Variants in PRKN observed in about 807,000 individuals in gnomAD.
PRKN encodes the protein E3 ubiquitin-protein ligase parkin.
In PRKN, 56 loss-of-function variants were observed where a neutral mutation model predicts 59.5. The ratio of observed to expected loss-of-function variants is 0.94; its 90% CI spans 0.76 to 1.18. The LOEUF is 1.18. Ranked by LOEUF, PRKN falls within the 50% of genes most tolerant of loss-of-function variation. The pLI is 0.00. For missense variants in PRKN, 657 were observed against 596.4 expected (o/e 1.10, Z -1.06); for synonymous variants, 250 against 222.1 (o/e 1.13, Z -1.12).
chr6:161,884,032 C>A (rs139283942), intron 6 of PRKN, among the ~76,000 whole-genome samples: 1 of 152,014 alleles, frequency 6.6e-6, no homozygotes, highest in African/African-American at 2.4e-5. Context: ...GTGGGGTGGG[C>A]GGTAAAATAT....
intron 2 of PRKN, among the ~76,000 whole-genome samples, chr6:162,333,574 A>G (rs4544885): frequency 0.76 from 115,245 of 152,166 alleles, 44,741 homozygotes; most frequent in African/African-American, 0.92. Context: ...ATAAAACAGC[A>G]AACTTATAAA....
rs555904196 is a variant in PRKN, at chr6:162,547,750, T to G, written c.8-104277A>C. ...CACACACCACCACAATGGGCTAATT[T>G]TTGTATTTTTAGTAGAGACGGGGGT... On this transcript the variant is annotated intron_variant, in intron 1 of 11. Transcript: ENST00000366898. 8.6e-5 allele frequency among the ~76,000 whole-genome samples: 13 copies of G among 151,920 alleles called. No individual in the cohort carries two copies. In the South Asian group the frequency reaches 2.7e-3, roughly 32 times the overall value.
chr6:161,493,918 G>C (rs914588138), intron 9 of PRKN, among the ~76,000 whole-genome samples: 1 of 152,186 alleles, frequency 6.6e-6, no homozygotes, highest in South Asian at 2.1e-4. Context: ...GCAGAACACA[G>C]GGCTATCTCC....
At chr6:161,692,061 T>C (rs953316180) in intron 7 of PRKN, among the ~76,000 whole-genome samples, 2 of 152,190 alleles carry the variant, frequency 1.3e-5, no homozygotes, top group African/African-American at 4.8e-5. Flanking sequence ...TCTCTCTCCA[T>C]GTCAACAGAT....
At chr6:161,891,756 T>A (rs999244743) in intron 6 of PRKN, among the ~76,000 whole-genome samples, 2 of 152,194 alleles carry the variant, frequency 1.3e-5, no homozygotes, top group Admixed American at 1.3e-4. Flanking sequence ...GTAAAAGATG[T>A]AGAGTGTCTG....
At chr6:161,852,992 TTTTTATG>T (rs1351589892) in intron 6 of PRKN, among the ~76,000 whole-genome samples, 5 of 152,216 alleles carry the variant, frequency 3.3e-5, no homozygotes, top group Non-Finnish European at 7.4e-5. Context: ...CCATGGCCTG[TTTTTATG>T]TTTTATGTCA....
chr6:162,274,819 C>T (rs558795989), intron 2 of PRKN, among the ~76,000 whole-genome samples: 6 of 152,164 alleles, frequency 3.9e-5, no homozygotes, highest in South Asian at 4.1e-4. Flanking sequence ...CAGTGGCTCA[C>T]GCCTGTAATC....
rs1178427894 is a variant in PRKN at position 161,530,706 on chromosome 6, C to CG, written c.1083+18147dup. ...AATTTTTTTCTATTTTTAGTGGAGA[C>CG]GGGGTTTCTCTATGTTGGTCAGGCC... On this transcript the variant is annotated intron_variant, in intron 9 of 11. Transcript: ENST00000366898. The surrounding 1 kb of genome is among the most constrained non-coding windows in gnomAD (Gnocchi z 5.0). Among the ~76,000 whole-genome samples the CG allele has an allele frequency of 2.0e-4, 31 of 151,716 alleles. No homozygotes were observed. Among genetic ancestry groups the CG allele is most frequent in the African/African-American group, 7.2e-4 (30 of 41,394 alleles).
At chr6:162,503,620 T>C (rs1793476834) in intron 1 of PRKN, among the ~76,000 whole-genome samples, 3 of 152,228 alleles carry the variant, frequency 2.0e-5, no homozygotes, top group African/African-American at 4.8e-5. Context: ...GAAGATAGTT[T>C]AGTATTTAAA....
chr6:162,494,155 A>G (rs1792947247), intron 1 of PRKN, among the ~76,000 whole-genome samples: 1 of 151,712 alleles, frequency 6.6e-6, no homozygotes, highest in Non-Finnish European at 1.5e-5. Context: ...CACTATAAAT[A>G]AGAGAGGTTC....
chr6:161,848,821 G>C (rs1031796984), intron 6 of PRKN, among the ~76,000 whole-genome samples: 2 of 152,204 alleles, frequency 1.3e-5, no homozygotes, highest in African/African-American at 4.8e-5. Flanking sequence ...GTTACAGAGG[G>C]AAATGGGAAT....
intron 6 of PRKN, among the ~76,000 whole-genome samples, chr6:161,823,775 T>C (rs1792132315): frequency 6.6e-6 from 1 of 152,180 alleles, no homozygotes; most frequent in Non-Finnish European, 1.5e-5. Context: ...TTCTGCGAAC[T>C]GCTGAAGCTG....
chr6:162,631,419 G>T (rs1202795158), intron 1 of PRKN, among the ~76,000 whole-genome samples: 4 of 152,010 alleles, frequency 2.6e-5, no homozygotes, highest in Non-Finnish European at 5.9e-5. Context: ...TTATAAGAAG[G>T]GTGCTTTAAG....
intron 1 of PRKN, among the ~76,000 whole-genome samples, chr6:162,609,756 G>T (rs1345814633): frequency 1.3e-5 from 2 of 152,104 alleles, no homozygotes; most frequent in Non-Finnish European, 2.9e-5. Context: ...GCTCTACAAT[G>T]ATTTTATTGC....
At chr6:161,384,936 T>G (rs780327184) in intron 10 of PRKN, among the ~76,000 whole-genome samples, 1 of 152,186 alleles carries the variant, frequency 6.6e-6, no homozygotes, top group Non-Finnish European at 1.5e-5. Flanking sequence ...TCTTTTCTTT[T>G]TTTGAGGGGG....
chr6:162,529,613 C>A (rs548244997), intron 1 of PRKN, among the ~76,000 whole-genome samples: 1 of 152,092 alleles, frequency 6.6e-6, no homozygotes, highest in Non-Finnish European at 1.5e-5. Flanking sequence ...TAGGGACTTA[C>A]GGACAGAAGC....
chr6:162,488,934 G>C (rs914307908), intron 1 of PRKN, among the ~76,000 whole-genome samples: 1 of 152,134 alleles, frequency 6.6e-6, no homozygotes, highest in African/African-American at 2.4e-5. Flanking sequence ...TAAGAAGGGG[G>C]TAAAGGTGTT....
intron 5 of PRKN, among the ~76,000 whole-genome samples, chr6:161,989,618 A>T (rs1195767511): frequency 2.0e-5 from 3 of 151,856 alleles, no homozygotes; most frequent in Non-Finnish European, 4.4e-5. Context: ...CACAGCCTGC[A>T]CCCACACACA....
chr6:161,522,788 C>T (rs146162960), intron 9 of PRKN, among the ~76,000 whole-genome samples: 51 of 152,336 alleles, frequency 3.3e-4, no homozygotes, highest in African/African-American at 1.2e-3. Context: ...CCGTAGTGAA[C>T]GGAGGTCCTG....
Sources: gnomAD v4.1 joint callset for allele counts (sites outside exome capture counted in the v4.1 genomes callset) on GRCh38, gnomAD v4.1.1 for gene constraint, Gnocchi (gnomAD v3.1) non-coding constraint, MANE v1.5 for transcripts, NCBI Gene and HGNC (gene_info 2026-07-23, HGNC 2026-07-21) for gene names.